The following THSD7B variants were observed in gnomAD, a reference collection of about 807,000 sequenced individuals.
THSD7B encodes thrombospondin type 1 domain containing 7B, also known as thrombospondin type-1 domain-containing protein 7B.
In THSD7B, 138 loss-of-function variants were observed where a neutral mutation model predicts 213.6. The observed-to-expected ratio is 0.65, with a 90% CI of 0.56 to 0.74. The LOEUF (loss-of-function observed/expected upper bound fraction) is 0.74, where lower values mean the gene tolerates loss of function less well. Among genes scored for constraint, THSD7B ranks in the 30% least tolerant of loss-of-function variants. THSD7B has a pLI of 0.00. For synonymous variants in THSD7B, 742 were observed against 687.0 expected (o/e 1.08, Z -1.25); for missense variants, 1,931 against 1,991.5 (o/e 0.97, Z 0.58).
At chr2:137,130,376 T>TTTA (rs150551557) in intron 5 of THSD7B, among the ~76,000 whole-genome samples, 60 of 151,914 alleles carry the variant, frequency 3.9e-4, no homozygotes, top group Middle Eastern at 6.8e-3. Context: ...GCCTCACCTT[T>TTTA]TTATTATTAT....
At chr2:137,494,840 A>G (rs1204332949) in intron 15 of THSD7B, among the ~76,000 whole-genome samples, 1 of 152,128 alleles carries the variant, frequency 6.6e-6, no homozygotes, top group Non-Finnish European at 1.5e-5. Context: ...TCTTTCCCAC[A>G]AACAGTATAC....
intron 7 of THSD7B, among the ~76,000 whole-genome samples, chr2:137,210,200 A>G (rs1681070923): frequency 6.6e-6 from 1 of 152,084 alleles, no homozygotes. Context: ...ACACAGCATG[A>G]TACTCATTTT....
intron 17 of THSD7B, among the ~76,000 whole-genome samples, chr2:137,574,216 A>C (rs1681414303): frequency 6.6e-6 from 1 of 152,074 alleles, no homozygotes; most frequent in Non-Finnish European, 1.5e-5. Context: ...TATTGTAAGA[A>C]CGTTTTACAC....
At chr2:136,899,660 G>A (rs995054515) in intron 2 of THSD7B, among the ~76,000 whole-genome samples, 3 of 152,156 alleles carry the variant, frequency 2.0e-5, no homozygotes, top group African/African-American at 7.2e-5. Context: ...TAAAATTGCT[G>A]GTGGATGAAT....
rs150648427 is a variant in THSD7B at position 137,381,299 on chromosome 2, T to C, written c.2501-24314T>C. Reference sequence around the variant, plus strand: ...AGAAGCAGAGAGCACCAAGAAAGAATGAACCTTTGCCAGCAGAGTTGGATG... The same window carrying C: ...AGAAGCAGAGAGCACCAAGAAAGAACGAACCTTTGCCAGCAGAGTTGGATG... On this transcript the variant is annotated intron_variant, in intron 12 of 27. Transcript: ENST00000409968. Among the ~76,000 whole-genome samples the C allele has an allele frequency of 7.2e-5, 11 of 152,306 alleles. 1 individual carries two copies. In the East Asian group the frequency reaches 1.9e-3, roughly 27 times the overall value.
At chr2:137,365,204 C>T (rs1369063937) in intron 12 of THSD7B, among the ~76,000 whole-genome samples, 4 of 152,172 alleles carry the variant, frequency 2.6e-5, no homozygotes, top group African/African-American at 7.2e-5. Context: ...AAAGCTGAAA[C>T]TGGATCTCTT....
At position 137,561,969 on chromosome 2, in the gene THSD7B, A is replaced by T. The variant is rs117150402; in HGVS notation, c.3139-1252A>T. 3.2e-3 allele frequency among the ~76,000 whole-genome samples: 483 copies of T among 152,282 alleles called. 6 individuals carry two copies. The East Asian group carries it at 0.036, about 11-fold the overall frequency. On this transcript the variant is annotated intron_variant, in intron 15 of 27. Transcript: ENST00000409968. Reference sequence around the variant, plus strand: ...CTAAGTGAGACAGCCAAGTAGAACCAGATGGTTAAAAATAGTTTCTGACAT... The same window carrying T: ...CTAAGTGAGACAGCCAAGTAGAACCTGATGGTTAAAAATAGTTTCTGACAT...
chr2:136,864,524 A>C (rs1300130588), intron 1 of THSD7B, among the ~76,000 whole-genome samples: 1 of 151,914 alleles, frequency 6.6e-6, no homozygotes, highest in African/African-American at 2.4e-5. Flanking sequence ...TAAACATATC[A>C]TATTTCTTTT....
intron 15 of THSD7B, among the ~76,000 whole-genome samples, chr2:137,547,316 T>C (rs1680761210): frequency 6.6e-6 from 1 of 152,024 alleles, no homozygotes; most frequent in African/African-American, 2.4e-5. Flanking sequence ...CCATTAAGTG[T>C]TCATACTTTC....
At chr2:136,917,372 C>T (rs1483738362) in intron 2 of THSD7B, among the ~76,000 whole-genome samples, 3 of 152,140 alleles carry the variant, frequency 2.0e-5, no homozygotes, top group African/African-American at 7.2e-5. Flanking sequence ...GTTGTTTTAG[C>T]AGGAATGGAT....
At chr2:137,008,603 G>A (rs1686161561) in intron 2 of THSD7B, among the ~76,000 whole-genome samples, 1 of 152,074 alleles carries the variant, frequency 6.6e-6, no homozygotes, top group African/African-American at 2.4e-5. Flanking sequence ...TGATTTCTCT[G>A]GGATTTGTGT....
In THSD7B at chr2:137,474,054, A is replaced by G. The variant is rs548551216; in HGVS notation, c.3138+23031A>G. ...AGGCTACCTAATCCCTTTGGCCAAG[A>G]CTTTACAATCTTATGCTTTTCACTT... On this transcript the variant is annotated intron_variant, in intron 15 of 27. Transcript: ENST00000409968. Among the ~76,000 whole-genome samples the G allele has an allele frequency of 2.0e-5, 3 of 152,294 alleles. No individual in the cohort carries two copies. In the South Asian group the frequency reaches 6.2e-4, roughly 32 times the overall value.
At chr2:137,661,168 C>G (rs1318438167) in intron 25 of THSD7B, among the ~76,000 whole-genome samples, 1 of 152,108 alleles carries the variant, frequency 6.6e-6, no homozygotes, top group Non-Finnish European at 1.5e-5. Flanking sequence ...TGTCTGTATA[C>G]TTGCTGGAGG....
chr2:137,112,959 C>T (rs974529), intron 4 of THSD7B, among the ~76,000 whole-genome samples: 112,905 of 152,088 alleles, frequency 0.74, 42,779 homozygotes, highest in Non-Finnish European at 0.81. Context: ...AACCAGAAAG[C>T]GGTGAAATTC....
intron 17 of THSD7B, among the ~76,000 whole-genome samples, chr2:137,590,174 A>G (rs751705599): frequency 6.6e-5 from 10 of 152,208 alleles, no homozygotes; most frequent in Non-Finnish European, 1.5e-4. Context: ...GGGAAGAGCT[A>G]GATCACTGGC....
intron 21 of THSD7B, among the ~76,000 whole-genome samples, chr2:137,654,347 G>C (rs1683193120): frequency 6.6e-6 from 1 of 152,180 alleles, no homozygotes; most frequent in Non-Finnish European, 1.5e-5. Context: ...ATCTCCTTTG[G>C]ATGAATTACA....
chr2:137,393,336 T>C (rs1686088982), intron 12 of THSD7B, among the ~76,000 whole-genome samples: 1 of 144,026 alleles, frequency 6.9e-6, no homozygotes, highest in Admixed American at 7.0e-5. Context: ...ACAGCCCCCA[T>C]AGTGTGATAT....
At chr2:137,456,176 A>C (rs1354948624) in intron 15 of THSD7B, among the ~76,000 whole-genome samples, 1 of 152,200 alleles carries the variant, frequency 6.6e-6, no homozygotes, top group Non-Finnish European at 1.5e-5. Context: ...TTCTCCCCAA[A>C]GAGAGGTATT....
At chr2:137,615,922 G>A (rs16839160) in intron 17 of THSD7B, among the ~76,000 whole-genome samples, 4,563 of 152,120 alleles carry the variant, frequency 0.03, 244 homozygotes, top group African/African-American at 0.1. Flanking sequence ...AATAGTCTCC[G>A]TGTGCTTAAT....
Sources: allele counts gnomAD v4.1 joint callset (sites outside exome capture counted in the v4.1 genomes callset), GRCh38; gene constraint gnomAD v4.1.1; transcripts MANE v1.5; gene names NCBI Gene and HGNC (gene_info 2026-07-23, HGNC 2026-07-21).